Variants in VIL1 observed in about 807,000 individuals in gnomAD.
VIL1 encodes villin-1.
Under a neutral mutation model 104.0 loss-of-function variants are expected in VIL1, and 86 were observed. The observed-to-expected ratio is 0.83, with a 90% CI of 0.69 to 0.99. The LOEUF is 0.99. Among genes scored for constraint, VIL1 ranks in the 50% least tolerant of loss-of-function variants. The pLI is 0.00. For synonymous variants in VIL1, 394 were observed against 412.6 expected (o/e 0.95, Z 0.55); for missense variants, 944 against 1,054.1 (o/e 0.90, Z 1.45).
intron 9 of VIL1, among the ~76,000 whole-genome samples, chr2:218,430,264 G>T (rs1025645536): frequency 6.6e-6 from 1 of 152,180 alleles, no homozygotes; most frequent in Non-Finnish European, 1.5e-5. Context: ...GAAATGGAGG[G>T]AGGCTGGCTT....
chr2:218,440,023 G>A (rs1195279528), intron 18 of VIL1, among the ~76,000 whole-genome samples: 1 of 151,962 alleles, frequency 6.6e-6, no homozygotes, highest in East Asian at 1.9e-4. Context: ...ATCAACAGAT[G>A]GTCAAAACCT....
At chr2:218,444,580 C>T (rs60362590) in intron 19 of VIL1, among the ~76,000 whole-genome samples, 3,714 of 152,190 alleles carry the variant, frequency 0.024, 155 homozygotes, top group African/African-American at 0.085. Context: ...GCCCGGCCGG[C>T]CTGTAGCTGA....
At chr2:218,442,298 C>CT (rs1355894095) in intron 19 of VIL1, among the ~76,000 whole-genome samples, 1 of 152,084 alleles carries the variant, frequency 6.6e-6, no homozygotes, top group African/African-American at 2.4e-5. Context: ...TAGCTATGTC[C>CT]TTTGAGGTTT....
intron 8 of VIL1, 41 bp from the exon 9 acceptor site, chr2:218,429,808 C>T: frequency 6.3e-7 from 1 of 1,594,946 alleles, no homozygotes; most frequent in African/African-American, 1.3e-5. Context: ...CCCAGTCCAG[C>T]ACCTCCAGCT....
chr2:218,424,462 C>A, intron 3 of VIL1, 111 bp downstream of exon 3: 2 of 1,176,190 alleles, frequency 1.7e-6, no homozygotes, highest in South Asian at 1.3e-5. Context: ...CACCCCAAGA[C>A]ACAATTTACT....
chr2:218,446,400 A>T (rs891654469), intron 19 of VIL1, among the ~76,000 whole-genome samples: 1 of 151,830 alleles, frequency 6.6e-6, no homozygotes, highest in African/African-American at 2.4e-5. Context: ...ATGCCTGCTA[A>T]TTTTTTGTAT....
chr2:218,435,523 A>C (rs1317839069), intron 15 of VIL1, 89 bp downstream of exon 15: 1 of 1,507,040 alleles, frequency 6.6e-7, no homozygotes, highest in African/African-American at 1.4e-5. Context: ...TACAGCAGGC[A>C]TGGACTGAGG....
chr2:218,431,815 C>T lies in VIL1; in HGVS notation c.1103-42C>T, dbSNP rs375516297. The T allele has an allele frequency of 2.1e-5, 33 of 1,560,690 alleles. No homozygotes were observed. In the African/African-American group the frequency reaches 4.1e-4, roughly 19 times the overall value. ...GGGCTGTTGTGAGGACCTGGGAGAC[C>T]TCAGCTGGTGACAGTTGGTTTCATG... On this transcript the variant is annotated intron_variant, in intron 10 of 19. Coordinates refer to ENST00000248444, the MANE Select transcript of VIL1 (RefSeq NM_007127.3).
intron 3 of VIL1, 97 bp from the exon 4 acceptor site, chr2:218,425,518 C>T: frequency 1.5e-6 from 2 of 1,310,022 alleles, no homozygotes; most frequent in Non-Finnish European, 2.2e-6. Context: ...GCCACGCTCC[C>T]CCATAGTCCT....
intron 19 of VIL1, among the ~76,000 whole-genome samples, chr2:218,443,208 T>TA (rs1483174074): frequency 1.3e-5 from 2 of 150,950 alleles, no homozygotes; most frequent in East Asian, 3.9e-4. Flanking sequence ...CTTTCTTTTT[T>TA]TTTTTTTTGA....
Position 218,451,262 on chromosome 2 carries a change from A to ACTTG in VIL1, c.*1927_*1930dup, listed in dbSNP as rs1689469933. On this transcript the variant is annotated 3_prime_UTR_variant, in exon 20 of 20. Transcript: ENST00000248444. ...CATTTTATTGGAACACTTTTATGTG[A>ACTTG]CTTGAATCTGGTGTTAGGTTGTTGA... 1.3e-5 allele frequency: 2 copies of ACTTG among 152,304 alleles called. No individual in the cohort carries two copies. Among genetic ancestry groups the ACTTG allele is most frequent in the South Asian group, 4.1e-4 (2 of 4,832 alleles). 9.4% of individuals were successfully genotyped at this position (152,304 alleles called of 1,614,324 possible). A position where few individuals can be genotyped will look rare whatever the true frequency, so the allele number is the denominator to read the frequency against.
intron 4 of VIL1, 35 bp from the exon 5 acceptor site, chr2:218,427,930 C>G: frequency 6.3e-7 from 1 of 1,598,666 alleles, no homozygotes; most frequent in South Asian, 1.1e-5. Flanking sequence ...CACCTCCCAG[C>G]CCACTTCCTT....
intron 1 of VIL1, among the ~76,000 whole-genome samples, chr2:218,422,706 G>A (rs1307876011): frequency 6.6e-6 from 1 of 152,218 alleles, no homozygotes; most frequent in East Asian, 1.9e-4. Context: ...ATTTCAGGCT[G>A]TCAGCGAGTG....
chr2:218,420,523 C>T (rs1405550691), intron 1 of VIL1, among the ~76,000 whole-genome samples: 1 of 150,976 alleles, frequency 6.6e-6, no homozygotes, highest in Non-Finnish European at 1.5e-5. Context: ...CTCCAGTGCC[C>T]TGGGAGGGTC....
intron 19 of VIL1, among the ~76,000 whole-genome samples, chr2:218,444,985 G>C (rs1435902930): frequency 6.6e-6 from 1 of 152,174 alleles, no homozygotes; most frequent in African/African-American, 2.4e-5. Flanking sequence ...AAAGACCTAG[G>C]ACATAGCAGC....
intron 10 of VIL1, chr2:218,431,249 G>C (rs1245606682): frequency 2.6e-6 from 1 of 383,636 alleles, no homozygotes; most frequent in Non-Finnish European, 4.6e-6. Context: ...TACTCAGAAG[G>C]CTGAGGCTGG....
chr2:218,424,014 C>G (rs1688936871), intron 2 of VIL1, among the ~76,000 whole-genome samples, 161 bp downstream of exon 2: 1 of 152,126 alleles, frequency 6.6e-6, no homozygotes, highest in Admixed American at 6.5e-5. Context: ...CCCGGCTGGT[C>G]TCCCTTTCCC....
At chr2:218,433,988 G>C (rs1057412904) in intron 13 of VIL1, among the ~76,000 whole-genome samples, 11 of 151,996 alleles carry the variant, frequency 7.2e-5, no homozygotes, top group African/African-American at 2.7e-4. Flanking sequence ...CCTGAGGTTG[G>C]GAGTTCGAGA....
At chr2:218,447,969 A>T (rs1456562925) in intron 19 of VIL1, among the ~76,000 whole-genome samples, 1 of 152,150 alleles carries the variant, frequency 6.6e-6, no homozygotes, top group African/African-American at 2.4e-5. Flanking sequence ...GCCTTTAAGA[A>T]ATGTTTCTGG....
Sources: allele counts gnomAD v4.1 joint callset (sites outside exome capture counted in the v4.1 genomes callset), GRCh38; gene constraint gnomAD v4.1.1; transcripts MANE v1.5; gene names NCBI Gene and HGNC (gene_info 2026-07-23, HGNC 2026-07-21).